The following RUNX1 variants were observed in gnomAD, a reference collection of about 807,000 sequenced individuals.
RUNX1 encodes the protein runt-related transcription factor 1.
Under a neutral mutation model 42.8 loss-of-function variants are expected in RUNX1, and 19 were observed. The ratio of observed to expected loss-of-function variants is 0.44; its 90% confidence interval spans 0.31 to 0.65. RUNX1 has a LOEUF of 0.65. Among genes scored for constraint, RUNX1 ranks in the 30% least tolerant of loss-of-function variants. The pLI, the probability that RUNX1 is intolerant of heterozygous loss-of-function variation, is 0.07. For synonymous variants in RUNX1, 271 were observed against 289.4 expected, an observed-to-expected ratio of 0.94 and a Z score of 0.64; for missense variants, 528 against 672.0, an observed-to-expected ratio of 0.79 and a Z score of 2.37.
chr21:34,804,360 G>A (rs2056650008), intron 7 of RUNX1, among the ~76,000 whole-genome samples: 1 of 152,140 alleles, frequency 6.6e-6, no homozygotes, highest in Non-Finnish European at 1.5e-5. Context: ...ACTGACTAAG[G>A]AGGAGTTCAT....
intron 2 of RUNX1, among the ~76,000 whole-genome samples, chr21:34,948,024 T>C (rs1307342556): frequency 6.6e-6 from 1 of 151,686 alleles, no homozygotes; most frequent in Non-Finnish European, 1.5e-5. Context: ...GGCTGCTGTT[T>C]CATCTCTCTC....
At chr21:34,864,174 A>G (rs536407405) in intron 5 of RUNX1, among the ~76,000 whole-genome samples, 3 of 152,348 alleles carry the variant, frequency 2.0e-5, no homozygotes, top group Admixed American at 6.5e-5. Context: ...CGGCTGGGAC[A>G]CAGCCCTTCT....
intron 7 of RUNX1, among the ~76,000 whole-genome samples, chr21:34,828,576 G>C (rs1216735292): frequency 1.3e-5 from 2 of 152,212 alleles, no homozygotes; most frequent in African/African-American, 4.8e-5. Flanking sequence ...GAGGTGGAAT[G>C]CTATGGTTTG....
chr21:34,875,275 C>T (rs1386288947), intron 5 of RUNX1, among the ~76,000 whole-genome samples: 1 of 152,144 alleles, frequency 6.6e-6, no homozygotes, highest in Non-Finnish European at 1.5e-5. Flanking sequence ...CTTTTATTGG[C>T]AAATGTGAAA....
At chr21:34,863,512 A>C (rs2057606949) in intron 5 of RUNX1, among the ~76,000 whole-genome samples, 1 of 151,692 alleles carries the variant, frequency 6.6e-6, no homozygotes, top group African/African-American at 2.4e-5. Context: ...TTGTGAAATG[A>C]ATGGTCATTA....
At chr21:34,858,766 G>A (rs1383258320) in intron 6 of RUNX1, among the ~76,000 whole-genome samples, 1 of 152,202 alleles carries the variant, frequency 6.6e-6, no homozygotes, top group Non-Finnish European at 1.5e-5. Flanking sequence ...GGGGAAGGGT[G>A]TGGTTCTGGA....
intron 2 of RUNX1, among the ~76,000 whole-genome samples, 185 bp from the exon 3 acceptor site, chr21:34,893,148 C>A (rs893093858): frequency 1.3e-5 from 2 of 152,030 alleles, no homozygotes; most frequent in Non-Finnish European, 2.9e-5. Context: ...GTTCCTTATG[C>A]ACGTGGTTTT....
intron 4 of RUNX1, among the ~76,000 whole-genome samples, chr21:34,881,403 T>C (rs950047866): frequency 6.6e-6 from 1 of 152,232 alleles, no homozygotes; most frequent in East Asian, 1.9e-4. Context: ...ATCGCTATTA[T>C]CTTGAGTTTT....
chr21:34,919,475 T>G (rs1222702595), intron 2 of RUNX1, among the ~76,000 whole-genome samples: 1 of 152,188 alleles, frequency 6.6e-6, no homozygotes. Flanking sequence ...CGATTTTGCA[T>G]GGAAGCTCCT....
chr21:34,826,870 G>A (rs1569030245), intron 7 of RUNX1, among the ~76,000 whole-genome samples: 1 of 152,216 alleles, frequency 6.6e-6, no homozygotes, highest in Admixed American at 6.5e-5. Flanking sequence ...TGTGTAAGTG[G>A]CTTTGGAACT....
At chr21:34,967,464 T>C (rs1049450055) in intron 2 of RUNX1, among the ~76,000 whole-genome samples, 18 of 149,542 alleles carry the variant, frequency 1.2e-4, no homozygotes, top group African/African-American at 4.2e-4. Flanking sequence ...CGGGGGAGGC[T>C]GAACTTCGCC....
chr21:35,017,306 C>T (rs2834733), intron 2 of RUNX1, among the ~76,000 whole-genome samples: 38,658 of 152,022 alleles, frequency 0.25, 5,293 homozygotes, highest in Non-Finnish European at 0.31. Context: ...ATTCTCACAA[C>T]CTATGTGGCT....
chr21:34,817,095 T>C, intron 7 of RUNX1, among the ~76,000 whole-genome samples: 1 of 152,312 alleles, frequency 6.6e-6, no homozygotes, highest in South Asian at 2.1e-4. Flanking sequence ...ACCTATGCAG[T>C]GCAGTCCCTG....
intron 5 of RUNX1, among the ~76,000 whole-genome samples, chr21:34,878,240 C>T (rs1457965811): frequency 6.7e-6 from 1 of 148,198 alleles, no homozygotes; most frequent in Non-Finnish European, 1.5e-5. Flanking sequence ...TTGACACTTA[C>T]ACTTGAAAGA....
intron 5 of RUNX1, among the ~76,000 whole-genome samples, chr21:34,860,282 C>T (rs1439514983): frequency 1.3e-5 from 2 of 152,156 alleles, no homozygotes; most frequent in Admixed American, 6.5e-5. Flanking sequence ...GTGAGAAAAT[C>T]TTCATTGCAT....
intron 3 of RUNX1, among the ~76,000 whole-genome samples, chr21:34,892,371 G>A (rs2058089796): frequency 6.6e-6 from 1 of 152,174 alleles, no homozygotes; most frequent in Admixed American, 6.5e-5. Context: ...TACTATGAGA[G>A]GGGGGAGGAG....
At chr21:35,045,929 T>C (rs2147029396) in intron 2 of RUNX1, among the ~76,000 whole-genome samples, 1 of 152,262 alleles carries the variant, frequency 6.6e-6, no homozygotes, top group South Asian at 2.1e-4. Flanking sequence ...CAGAGGCATG[T>C]GAGTGTTCAG....
chr21:34,869,724 A>G (rs2057711591), intron 5 of RUNX1, among the ~76,000 whole-genome samples: 1 of 152,222 alleles, frequency 6.6e-6, no homozygotes, highest in Non-Finnish European at 1.5e-5. Flanking sequence ...CAAGTAGTCC[A>G]AGGCGAGCTG....
Position 35,015,563 on chromosome 21 carries a change from C to T in RUNX1, c.58+33279G>A, listed in dbSNP as rs114446440. ...GGTGGAAGAGGTGGTGGCTGAGGTG[C>T]GAACATCAAACACAGCCACTCATAA... On this transcript the variant is annotated intron_variant, in intron 2 of 8. Coordinates refer to ENST00000675419, the MANE Select transcript of RUNX1 (RefSeq NM_001754.5). Among the ~76,000 whole-genome samples, 7 of 152,226 alleles carry T rather than the reference C, an allele frequency of 4.6e-5. No individual in the cohort carries two copies. The East Asian group carries it at 5.8e-4, about 13-fold the overall frequency.
Sources: gnomAD v4.1 joint callset for allele counts (sites outside exome capture counted in the v4.1 genomes callset) on GRCh38, gnomAD v4.1.1 for gene constraint, MANE v1.5 for transcripts, NCBI Gene and HGNC (gene_info 2026-07-23, HGNC 2026-07-21) for gene names.